The following ABCA1 variants were observed in gnomAD, a reference collection of about 807,000 sequenced individuals.
The protein encoded by ABCA1 is ATP binding cassette subfamily A member 1, also known as phospholipid-transporting ATPase ABCA1.
A neutral mutation model predicts 262.5 loss-of-function variants in ABCA1; 133 were observed. The ratio of observed to expected loss-of-function variants is 0.51; its 90% CI spans 0.44 to 0.59. ABCA1 has a LOEUF of 0.59. Among genes scored for constraint, ABCA1 ranks in the 20% least tolerant of loss-of-function variants. ABCA1 has a pLI of 0.00. For missense variants in ABCA1, 2,452 were observed against 2,777.5 expected, an observed-to-expected ratio of 0.88 and a Z score of 2.63; for synonymous variants, 1,022 against 1,043.5, an observed-to-expected ratio of 0.98 and a Z score of 0.40.
chr9:104,872,155 T>C (rs1483989896), intron 5 of ABCA1, among the ~76,000 whole-genome samples: 6 of 152,234 alleles, frequency 3.9e-5, no homozygotes, highest in Admixed American at 6.5e-5. Flanking sequence ...ATTAGCATTA[T>C]TTTCCAGAAT....
chr9:104,889,294 A>C (rs1286789081), intron 2 of ABCA1, 99 bp from the exon 3 acceptor site: 3 of 1,537,192 alleles, frequency 2.0e-6, no homozygotes, highest in Non-Finnish European at 2.6e-6. Context: ...TCATTTACTA[A>C]TTAATCAACT....
intron 32 of ABCA1, among the ~76,000 whole-genome samples, chr9:104,804,382 T>A (rs556404683): frequency 6.6e-6 from 1 of 152,316 alleles, no homozygotes; most frequent in African/African-American, 2.4e-5. Context: ...AGTGGCAAAA[T>A]TTGACGTTGA....
rs772308164 is a variant in ABCA1 at position 104,845,558 on chromosome 9, G to T, written c.732C>A (p.Asn244Lys). The T allele has an allele frequency of 1.2e-6, 2 of 1,612,152 alleles. No homozygotes were observed. The highest frequency in any genetic ancestry group is 2.2e-5 in the South Asian group (2 of 91,000). ...DILKPILRTL[N>K]STSPFPSKEL... ...CCTTGCTCGGGAAGGGAGATGTAGA[G>T]TTTAGTGTTCTCTGTAATGAGAAAG... The change falls in exon 8 of 50, where the codon AAC (asparagine) becomes AAA (lysine). Residue 244 changes from asparagine (N) to lysine (K), a missense_variant. By Grantham distance (94) the Asn-to-Lys change is moderately conservative. Coordinates refer to ENST00000374736, the MANE Select transcript of ABCA1 (RefSeq NM_005502.4).
rs387906414 is a variant in ABCA1, at chr9:104,818,780, GGA to G, written c.3343_3344del (p.Ser1115ProfsTer31). The G allele has an allele frequency of 3.1e-6, 5 of 1,613,920 alleles. No individual in the cohort carries two copies. The highest frequency in any genetic ancestry group is 4.2e-6 in the Non-Finnish European group (5 of 1,180,042). ...SHGKLCCVGS[S>X]LFLKNQLGTG... ...TTCCCAGCTGGTTCTTCAGAAACAG[GGA>G]GGAGCCCACACAGCACAGCTTCCCA... is the stretch of plus-strand genomic sequence containing the variant. On this transcript the variant is annotated frameshift_variant, in exon 23 of 50. Transcript: ENST00000374736. LOFTEE classifies it high-confidence loss of function.
chr9:104,862,418 T>TCAAGCAAG (rs369398570), intron 5 of ABCA1, among the ~76,000 whole-genome samples: 1 of 151,726 alleles, frequency 6.6e-6, no homozygotes, highest in Non-Finnish European at 1.5e-5. Context: ...CTTTCTCTTC[T>TCAAGCAAG]AAATGATCTC....
chr9:104,783,602 G>C lies in ABCA1; in HGVS notation c.*713C>G, dbSNP rs1007039989. 6.6e-6 allele frequency: 1 copy of C among 152,450 alleles called. No individual in the cohort carries two copies. The highest frequency in any genetic ancestry group is 2.4e-5 in the African/African-American group (1 of 41,420). 9.4% of individuals were successfully genotyped at this position (152,450 alleles called of 1,614,324 possible). On this transcript the variant is annotated 3_prime_UTR_variant, in exon 50 of 50. Transcript: ENST00000374736. ...CGAAGCATAGGACAATATAACAATGGAACCAAGTTTCCCGTGCCTGGAGAC... is the reference window on the plus strand; with the variant it reads ...CGAAGCATAGGACAATATAACAATGCAACCAAGTTTCCCGTGCCTGGAGAC...
intron 2 of ABCA1, among the ~76,000 whole-genome samples, chr9:104,899,046 T>C (rs1441580088): frequency 6.6e-6 from 1 of 152,254 alleles, no homozygotes; most frequent in Non-Finnish European, 1.5e-5. Flanking sequence ...TTCACCACTA[T>C]ATACCCAGCT....
In ABCA1 at chr9:104,858,269, T is replaced by C. The variant is rs553519068; in HGVS notation, c.720+253A>G. 5.3e-5 allele frequency among the ~76,000 whole-genome samples: 8 copies of C among 152,306 alleles called. No individual in the cohort carries two copies. In the South Asian group the frequency reaches 1.7e-3, roughly 32 times the overall value. ...ACATGAAAAAGCAGGTCTTCTCTGATTGAAACAAGCACAAAAAACTTTTGG... is the reference window on the plus strand; with the variant it reads ...ACATGAAAAAGCAGGTCTTCTCTGACTGAAACAAGCACAAAAAACTTTTGG... On this transcript the variant is annotated intron_variant, in intron 7 of 49. Coordinates refer to ENST00000374736, the MANE Select transcript of ABCA1 (RefSeq NM_005502.4).
At chr9:104,849,079 T>C (rs1835150275) in intron 7 of ABCA1, among the ~76,000 whole-genome samples, 1 of 152,220 alleles carries the variant, frequency 6.6e-6, no homozygotes, top group Non-Finnish European at 1.5e-5. Flanking sequence ...TTAATGAATT[T>C]ACATCTTCAA....
intron 1 of ABCA1, among the ~76,000 whole-genome samples, chr9:104,920,785 T>C (rs1317068140): frequency 1.3e-5 from 2 of 152,192 alleles, no homozygotes; most frequent in Admixed American, 6.5e-5. Context: ...GCTGGAATTA[T>C]AGGCAGAAGC....
intron 8 of ABCA1, among the ~76,000 whole-genome samples, chr9:104,844,008 A>ATT (rs1193109054): frequency 1.4e-5 from 2 of 140,060 alleles, no homozygotes; most frequent in Admixed American, 7.1e-5. Flanking sequence ...CCTGCTTCCA[A>ATT]TTTTTTTTTT....
chr9:104,825,783 C>T lies in ABCA1; in HGVS notation c.2442G>A (p.Val814=), dbSNP rs771499637. 5.6e-6 allele frequency: 9 copies of T among 1,614,224 alleles called. No homozygotes were observed. Among genetic ancestry groups the T allele is most frequent in the Non-Finnish European group, 7.6e-6 (9 of 1,180,042 alleles). ...VQWDNLFESP[V]EEDGFNLTTS... ...TGGTGAGATTGAAGCCATCTTCCTCCACAGGACTCTCAAACAGGTTGTCCC... is the reference window on the plus strand; with the variant it reads ...TGGTGAGATTGAAGCCATCTTCCTCTACAGGACTCTCAAACAGGTTGTCCC... Residue 814 remains valine, a synonymous_variant, in exon 17 of 50, where the codon GTG becomes GTA. Coordinates refer to ENST00000374736, the MANE Select transcript of ABCA1 (RefSeq NM_005502.4).
At position 104,813,806 on chromosome 9, in the gene ABCA1, G is replaced by C. The variant is rs559300510; in HGVS notation, c.3901+312C>G. 2.6e-5 allele frequency among the ~76,000 whole-genome samples: 4 copies of C among 152,288 alleles called. No homozygotes were observed. The South Asian group carries it at 6.2e-4, about 24-fold the overall frequency. ...CACTCATCTACTCGAATGAATATTT[G>C]TTCAACAATTAAACACCTAATGTAT... On this transcript the variant is annotated intron_variant, in intron 27 of 49. Transcript: ENST00000374736.
chr9:104,811,476 G>A (rs4149319), intron 28 of ABCA1, among the ~76,000 whole-genome samples: 8,429 of 152,166 alleles, frequency 0.055, 372 homozygotes, highest in East Asian at 0.15. Context: ...GACAACCATA[G>A]TCATTATCTC....
chr9:104,865,907 G>A (rs2740499), intron 5 of ABCA1, among the ~76,000 whole-genome samples: 59,272 of 151,998 alleles, frequency 0.39, 12,353 homozygotes, highest in East Asian at 0.73. Flanking sequence ...GGCTGAAAGG[G>A]GAGATAAAGA....
chr9:104,828,769 A>G, intron 15 of ABCA1, 147 bp downstream of exon 15: 1 of 960,870 alleles, frequency 1.0e-6, no homozygotes. Flanking sequence ...ACTTTCCCCA[A>G]CTATAAATGG....
chr9:104,791,844 C>T, intron 43 of ABCA1, 92 bp downstream of exon 43: 2 of 1,330,438 alleles, frequency 1.5e-6, no homozygotes, highest in African/African-American at 2.9e-5. Context: ...CTTTAAAATC[C>T]ACTTTTACCT....
chr9:104,859,044 C>G (rs972913124), intron 6 of ABCA1, among the ~76,000 whole-genome samples: 1 of 152,210 alleles, frequency 6.6e-6, no homozygotes, highest in African/African-American at 2.4e-5. Context: ...CCTGGAACCA[C>G]TTTTATTAGA....
At chr9:104,922,485 G>A (rs1458385424) in intron 1 of ABCA1, among the ~76,000 whole-genome samples, 1 of 152,134 alleles carries the variant, frequency 6.6e-6, no homozygotes, top group African/African-American at 2.4e-5. Context: ...AATGTACCTA[G>A]CCTGCCTATA....
Sources: gnomAD v4.1 joint callset for allele counts (sites outside exome capture counted in the v4.1 genomes callset) on GRCh38, gnomAD v4.1.1 for gene constraint, MANE v1.5 for transcripts, NCBI Gene and HGNC (gene_info 2026-07-23, HGNC 2026-07-21) for gene names.